NLN: variants seen among roughly 807,000 people sequenced by gnomAD.
NLN encodes the protein neurolysin, also known as neurolysin, mitochondrial.
NLN carries 64 observed loss-of-function variants against 79.9 expected under a neutral mutation model. The observed-to-expected ratio is 0.80, with a 90% CI of 0.65 to 0.99. The LOEUF (loss-of-function observed/expected upper bound fraction) is 0.99. Ranked by LOEUF, NLN falls within the 50% of genes least tolerant of loss-of-function variation. NLN has a pLI of 0.00. For missense variants in NLN, 835 were observed against 858.7 expected (o/e 0.97, Z 0.34); for synonymous variants, 267 against 296.6 (o/e 0.90, Z 1.02).
chr5:65,774,200 T>C (rs1416818106), intron 3 of NLN, among the ~76,000 whole-genome samples: 4 of 152,066 alleles, frequency 2.6e-5, no homozygotes, highest in Non-Finnish European at 5.9e-5. Flanking sequence ...TACACATTCA[T>C]ATTAAAACTC....
chr5:65,736,113 TC>T (rs1343670156), intron 1 of NLN, among the ~76,000 whole-genome samples: 1 of 152,190 alleles, frequency 6.6e-6, no homozygotes, highest in Non-Finnish European at 1.5e-5. Context: ...TTCAACCATG[TC>T]CCTTTCCTCA....
At position 65,785,850 on chromosome 5, in the gene NLN, G is replaced by A. The variant is rs1579949599; in HGVS notation, c.898G>A (p.Ala300Thr). The A allele has an allele frequency of 1.9e-6, 3 of 1,613,642 alleles. No homozygotes were observed. Among genetic ancestry groups the A allele is most frequent in the Non-Finnish European group, 2.5e-6 (3 of 1,179,862 alleles). Reference sequence around the variant, plus strand: ...CAAACTACTCGGTTATAGCACACATGCTGACTTCGTCCTTGAAATGAACAC... The same window carrying A: ...CAAACTACTCGGTTATAGCACACATACTGACTTCGTCCTTGAAATGAACAC... ...VAKLLGYSTHADFVLEMNTAK... is the reference protein window; with the variant it reads ...VAKLLGYSTHTDFVLEMNTAK... Residue 300 changes from alanine to threonine, a missense_variant, in exon 7 of 13, where the codon GCT (alanine) becomes ACT (threonine). Transcript: ENST00000380985.
chr5:65,755,159 G>A (rs1470090224), intron 1 of NLN, among the ~76,000 whole-genome samples: 1 of 151,566 alleles, frequency 6.6e-6, no homozygotes, highest in African/African-American at 2.4e-5. Flanking sequence ...ATCTCTGTAG[G>A]GAGCTCAGTC....
At chr5:65,772,530 A>C (rs1376320465) in intron 3 of NLN, among the ~76,000 whole-genome samples, 1 of 152,250 alleles carries the variant, frequency 6.6e-6, no homozygotes, top group African/African-American at 2.4e-5. Flanking sequence ...CTACCTAAGA[A>C]TGTCCTCTTC....
At position 65,724,789 on chromosome 5, in the gene NLN, GTTTCTTTTTTT is replaced by G. The variant is rs1389349404; in HGVS notation, c.41+2390_41+2400del. On this transcript the variant is annotated intron_variant, in intron 1 of 12. Coordinates refer to ENST00000380985, the MANE Select transcript of NLN (RefSeq NM_020726.5). ...TAACAGTTATCCTAGGAGTGGCATT[GTTTCTTTTTTT>G]TTTCTTTTTTTTTTTTTTTGAGACA... Among the ~76,000 whole-genome samples the G allele has an allele frequency of 3.3e-3, 476 of 143,896 alleles. 3 individuals are homozygous for G. Among genetic ancestry groups the G allele is most frequent in the African/African-American group, 0.012 (456 of 39,292 alleles). 94.4% of individuals were successfully genotyped at this position (143,896 alleles called of 152,430 possible). A position where few individuals can be genotyped will look rare whatever the true frequency, so the allele number is the denominator to read the frequency against.
intron 11 of NLN, 139 bp from the exon 12 acceptor site, chr5:65,812,116 C>T (rs537204358): frequency 4.2e-6 from 3 of 705,938 alleles, no homozygotes; most frequent in African/African-American, 3.6e-5. Flanking sequence ...CACATCAGCC[C>T]AAGGAGTACT....
chr5:65,807,315 A>G (rs1465323928), intron 9 of NLN, among the ~76,000 whole-genome samples: 1 of 152,134 alleles, frequency 6.6e-6, no homozygotes. Context: ...AGCCATCAAC[A>G]TTGATGGAGG....
chr5:65,785,963 A>T, intron 7 of NLN, 53 bp downstream of exon 7: 1 of 1,538,092 alleles, frequency 6.5e-7, no homozygotes, highest in Admixed American at 1.8e-5. Context: ...TGTCAACCAG[A>T]CAGAAGGCCT....
At chr5:65,726,489 A>T (rs1230419081) in intron 1 of NLN, among the ~76,000 whole-genome samples, 1 of 152,200 alleles carries the variant, frequency 6.6e-6, no homozygotes, top group Non-Finnish European at 1.5e-5. Context: ...ATAAAGTAAA[A>T]AGGATAAATA....
chr5:65,775,743 G>A (rs1039727333), intron 3 of NLN, among the ~76,000 whole-genome samples: 5 of 152,162 alleles, frequency 3.3e-5, no homozygotes, highest in African/African-American at 1.2e-4. Context: ...GGCCATTGTG[G>A]GTTTCCTCCC....
intron 9 of NLN, among the ~76,000 whole-genome samples, chr5:65,795,817 TA>T (rs1219671681): frequency 6.6e-6 from 1 of 152,234 alleles, no homozygotes. Flanking sequence ...AGTTTACATT[TA>T]AAAAAATTTT....
At chr5:65,725,674 G>C (rs1050515191) in intron 1 of NLN, among the ~76,000 whole-genome samples, 1 of 152,176 alleles carries the variant, frequency 6.6e-6, no homozygotes, top group Non-Finnish European at 1.5e-5. Flanking sequence ...TTGAAAGCTA[G>C]AATTTTATCA....
chr5:65,758,459 TAA>T, intron 1 of NLN, 106 bp from the exon 2 acceptor site: 1 of 747,196 alleles, frequency 1.3e-6, no homozygotes, highest in Non-Finnish European at 2.1e-6. Flanking sequence ...CTTGTTTTTT[TAA>T]AAAGGTTCTT....
At chr5:65,771,539 A>T (rs1356229759) in intron 3 of NLN, among the ~76,000 whole-genome samples, 2 of 152,070 alleles carry the variant, frequency 1.3e-5, no homozygotes, top group Non-Finnish European at 2.9e-5. Flanking sequence ...TTGTTTATTT[A>T]TTTTTTTTAG....
At chr5:65,786,208 C>T (rs1759921310) in intron 7 of NLN, 1 of 240,560 alleles carries the variant, frequency 4.2e-6, no homozygotes, top group African/African-American at 2.2e-5. Flanking sequence ...GCTTTATTCT[C>T]TTCACTAGGG....
intron 9 of NLN, among the ~76,000 whole-genome samples, chr5:65,804,091 T>C (rs894995750): frequency 1.3e-5 from 2 of 152,244 alleles, no homozygotes; most frequent in East Asian, 1.9e-4. Flanking sequence ...TATAAGACTT[T>C]TGTATTTTAG....
chr5:65,738,996 A>ATG (rs1758809438), intron 1 of NLN, among the ~76,000 whole-genome samples: 1 of 140,016 alleles, frequency 7.1e-6, no homozygotes, highest in Non-Finnish European at 1.5e-5. Flanking sequence ...ATTTATATAT[A>ATG]TTTTATAATA....
At chr5:65,732,252 A>G (rs1442421550) in intron 1 of NLN, among the ~76,000 whole-genome samples, 1 of 152,002 alleles carries the variant, frequency 6.6e-6, no homozygotes, top group Non-Finnish European at 1.5e-5. Flanking sequence ...ACCATAGCTT[A>G]CATTAGAAAG....
chr5:65,780,323 G>A (rs1759772041), intron 5 of NLN, 42 bp downstream of exon 5: 3 of 750,452 alleles, frequency 4.0e-6, no homozygotes, highest in Non-Finnish European at 6.7e-6. Flanking sequence ...TATAATTTAG[G>A]CAAATAGTGT....
Sources: gnomAD v4.1 joint callset for allele counts (sites outside exome capture counted in the v4.1 genomes callset) on GRCh38, gnomAD v4.1.1 for gene constraint, MANE v1.5 for transcripts, NCBI Gene and HGNC (gene_info 2026-07-23, HGNC 2026-07-21) for gene names.